PPP2R5E: variants seen among roughly 807,000 people sequenced by gnomAD.
PPP2R5E encodes protein phosphatase 2 regulatory subunit B'epsilon, also known as serine/threonine-protein phosphatase 2A 56 kDa regulatory subunit epsilon isoform.
Under a neutral mutation model 65.3 loss-of-function variants are expected in PPP2R5E, and 4 were observed. The ratio of observed to expected loss-of-function variants is 0.06; its 90% CI spans 0.03 to 0.14. The LOEUF (loss-of-function observed/expected upper bound fraction) is 0.14, where lower values mean the gene tolerates loss of function less well. Ranked by LOEUF, PPP2R5E falls within the 10% of genes least tolerant of loss-of-function variation. The pLI is 1.00. For synonymous variants in PPP2R5E, 183 were observed against 187.4 expected, an observed-to-expected ratio of 0.98 and a Z score of 0.19; for missense variants, 274 against 556.1, an observed-to-expected ratio of 0.49 and a Z score of 5.10.
intron 12 of PPP2R5E, 141 bp from the exon 13 acceptor site, chr14:63,382,298 GA>G: frequency 2.2e-6 from 1 of 462,326 alleles, no homozygotes. Flanking sequence ...TGGAACAACT[GA>G]AAATGACCTA....
intron 11 of PPP2R5E, among the ~76,000 whole-genome samples, chr14:63,385,740 T>C (rs1230587340): frequency 6.6e-6 from 1 of 151,330 alleles, no homozygotes; most frequent in Non-Finnish European, 1.5e-5. Context: ...GGAGACTGAG[T>C]AATGTAGGCA....
intron 7 of PPP2R5E, among the ~76,000 whole-genome samples, chr14:63,394,173 C>T (rs554863714): frequency 3.3e-5 from 5 of 150,282 alleles, no homozygotes; most frequent in South Asian, 4.2e-4. Flanking sequence ...CCTTCGCCTC[C>T]GGGATTCAAG....
chr14:63,502,370 G>A (rs1891931812), intron 2 of PPP2R5E, among the ~76,000 whole-genome samples: 1 of 152,114 alleles, frequency 6.6e-6, no homozygotes, highest in Non-Finnish European at 1.5e-5. Flanking sequence ...CCCACAGAAG[G>A]TGGCATAATG....
At chr14:63,390,253 A>G (rs1884934589) in intron 10 of PPP2R5E, among the ~76,000 whole-genome samples, 1 of 151,502 alleles carries the variant, frequency 6.6e-6, no homozygotes, top group South Asian at 2.1e-4. Context: ...ACTCACATGC[A>G]GGTGCCACTT....
intron 5 of PPP2R5E, among the ~76,000 whole-genome samples, chr14:63,408,577 A>G (rs1343055122): frequency 6.6e-6 from 1 of 152,184 alleles, no homozygotes; most frequent in Non-Finnish European, 1.5e-5. Context: ...ATCATTAGTC[A>G]TCTTTTTCAA....
At chr14:63,391,716 C>T in intron 10 of PPP2R5E, 101 bp downstream of exon 10, 5 of 1,332,120 alleles carry the variant, frequency 3.8e-6, no homozygotes, top group South Asian at 1.3e-5. Context: ...AGCCACTGCG[C>T]CCAGCCCTGA....
rs562541342 is a variant in PPP2R5E, at chr14:63,384,311, C to A, written c.1202+133G>T. On this transcript the variant is annotated intron_variant, in intron 12 of 13. Coordinates refer to ENST00000337537, the MANE Select transcript of PPP2R5E (RefSeq NM_006246.5). ...GTTTATTTTCTCCAGTCAGTGAATC[C>A]CCAGAAGGTAAGGATTTTATCTTTT... The A allele has an allele frequency of 7.0e-5, 75 of 1,064,348 alleles. No individual in the cohort carries two copies. The African/African-American group carries it at 1.2e-3, about 17-fold the overall frequency. The allele number at this position is 1,064,348 out of a possible 1,614,324, so 65.9% of individuals were successfully genotyped here.
intron 13 of PPP2R5E, among the ~76,000 whole-genome samples, 171 bp downstream of exon 13, chr14:63,381,885 A>G (rs1431758047): frequency 6.6e-6 from 1 of 152,242 alleles, no homozygotes; most frequent in East Asian, 1.9e-4. Context: ...ACACAATACA[A>G]TTGCCTAAGG....
At chr14:63,450,029 C>A (rs548583925) in intron 3 of PPP2R5E, among the ~76,000 whole-genome samples, 1 of 152,172 alleles carries the variant, frequency 6.6e-6, no homozygotes, top group South Asian at 2.1e-4. Context: ...GCATGTGCCA[C>A]CATGCCAGGC....
chr14:63,490,830 T>C (rs1357398811), intron 2 of PPP2R5E, among the ~76,000 whole-genome samples: 1 of 152,088 alleles, frequency 6.6e-6, no homozygotes, highest in Non-Finnish European at 1.5e-5. Flanking sequence ...TTTGGAGATT[T>C]CTCAAAGAAC....
chr14:63,522,416 C>T (rs886849433), intron 2 of PPP2R5E, among the ~76,000 whole-genome samples: 10 of 144,606 alleles, frequency 6.9e-5, no homozygotes, highest in Non-Finnish European at 1.4e-4. Context: ...TCATCTGGGA[C>T]GTGAGGAGCC....
At chr14:63,382,470 T>C (rs148532085) in intron 12 of PPP2R5E, among the ~76,000 whole-genome samples, 3,259 of 152,086 alleles carry the variant, frequency 0.021, 126 homozygotes, top group African/African-American at 0.075. Flanking sequence ...GGCACCATCT[T>C]GGCTCACCGC....
intron 2 of PPP2R5E, among the ~76,000 whole-genome samples, chr14:63,465,446 T>A (rs1889736298): frequency 1.1e-5 from 1 of 92,014 alleles, no homozygotes. Flanking sequence ...AAACTCCACC[T>A]CTACAAAAAA....
At chr14:63,533,933 C>T (rs1021008173) in intron 2 of PPP2R5E, among the ~76,000 whole-genome samples, 1 of 152,248 alleles carries the variant, frequency 6.6e-6, no homozygotes, top group Non-Finnish European at 1.5e-5. Flanking sequence ...GGTGACAGAG[C>T]GAGACTCTGT....
intron 2 of PPP2R5E, among the ~76,000 whole-genome samples, chr14:63,536,233 A>G (rs1299496193): frequency 6.6e-6 from 1 of 152,226 alleles, no homozygotes; most frequent in African/African-American, 2.4e-5. Flanking sequence ...TTCACTTTTA[A>G]AAGTGAGAAA....
At chr14:63,393,346 GA>G (rs1397165584) in intron 8 of PPP2R5E, among the ~76,000 whole-genome samples, 1 of 151,916 alleles carries the variant, frequency 6.6e-6, no homozygotes, top group Non-Finnish European at 1.5e-5. Flanking sequence ...ACTGTGCATA[GA>G]AAAAAAATGC....
intron 4 of PPP2R5E, among the ~76,000 whole-genome samples, chr14:63,416,843 G>T (rs1333452881): frequency 6.6e-6 from 1 of 152,000 alleles, no homozygotes; most frequent in Non-Finnish European, 1.5e-5. Context: ...CCAATCTGTT[G>T]TGATATGTCA....
At chr14:63,527,978 C>CTG (rs1893250466) in intron 2 of PPP2R5E, among the ~76,000 whole-genome samples, 1 of 151,316 alleles carries the variant, frequency 6.6e-6, no homozygotes, top group African/African-American at 2.4e-5. Context: ...AATTCAAACT[C>CTG]AGGTATGTGT....
intron 2 of PPP2R5E, among the ~76,000 whole-genome samples, chr14:63,521,112 T>C (rs796134443): frequency 6.6e-6 from 1 of 152,326 alleles, no homozygotes; most frequent in East Asian, 1.9e-4. Context: ...AGAGTATGAA[T>C]ACAGTCTACC....
Sources: allele counts gnomAD v4.1 joint callset (sites outside exome capture counted in the v4.1 genomes callset), GRCh38; gene constraint gnomAD v4.1.1; transcripts MANE v1.5; gene names NCBI Gene and HGNC (gene_info 2026-07-23, HGNC 2026-07-21).